AP2A1: variants seen among roughly 807,000 people sequenced by gnomAD.
AP2A1 encodes adaptor related protein complex 2 subunit alpha 1.
Under a neutral mutation model 107.3 loss-of-function variants are expected in AP2A1, and 21 were observed. The ratio of observed to expected loss-of-function variants is 0.20; its 90% CI spans 0.14 to 0.28. The LOEUF (loss-of-function observed/expected upper bound fraction) is 0.28, where lower values mean the gene tolerates loss of function less well. Among genes scored for constraint, AP2A1 ranks in the 10% least tolerant of loss-of-function variants. The pLI is 1.00. For synonymous variants in AP2A1, 602 were observed against 564.8 expected, an observed-to-expected ratio of 1.07 and a Z score of -0.93; for missense variants, 873 against 1,307.7, an observed-to-expected ratio of 0.67 and a Z score of 5.13.
chr19:49,780,165 G>A (rs2084659298), intron 1 of AP2A1, among the ~76,000 whole-genome samples: 1 of 152,238 alleles, frequency 6.6e-6, no homozygotes. Context: ...GCAGGGCACT[G>A]CTCTAGGAGC....
In AP2A1 at chr19:49,767,083, C is replaced by A. The variant is rs976140273; in HGVS notation, c.-51C>A. On this transcript the variant is annotated 5_prime_UTR_variant, in exon 1 of 23. Transcript: ENST00000354293. ...CGCCCGGTCCCCGCTTGCCAGCCCC[C>A]GCTGCTCTGTGCCCTGTCCGGCCAG... The A allele has an allele frequency of 3.1e-6, 5 of 1,594,604 alleles. No homozygotes were observed. The Admixed American group carries it at 8.5e-5, about 27-fold the overall frequency.
At chr19:49,802,211 C>T (rs1183145039) in intron 15 of AP2A1, 70 bp downstream of exon 15, 3 of 1,303,624 alleles carry the variant, frequency 2.3e-6, no homozygotes, top group Admixed American at 4.0e-5. Context: ...GCCTCTGTCC[C>T]CGTTTTCCCT....
Position 49,793,461 on chromosome 19 carries a change from T to C in AP2A1, c.705+369T>C, listed in dbSNP as rs556700136. Among the ~76,000 whole-genome samples, 326 of 152,246 alleles carry C rather than the reference T, an allele frequency of 2.1e-3. 3 individuals carry two copies. The Middle Eastern group carries it at 0.031, about 14-fold the overall frequency. On this transcript the variant is annotated intron_variant, in intron 6 of 22. Transcript: ENST00000354293. ...TCTCTGTCTCCCACTTTCCCTCTTC[T>C]GGCTTTGCCTCCCGCCTCTCTCTTT...
chr19:49,791,453 A>G lies in AP2A1; in HGVS notation c.474-482A>G, dbSNP rs577732141. Among the ~76,000 whole-genome samples, 28 of 152,054 alleles carry G rather than the reference A, an allele frequency of 1.8e-4. No homozygotes were observed. The East Asian group carries it at 5.2e-3, about 28-fold the overall frequency. ...TGTCGCCCAGGCTGGTCTTGAATTC[A>G]TGGCCTCAAGTGATCCTCCCACCTC... is the stretch of plus-strand genomic sequence containing the variant. On this transcript the variant is annotated intron_variant, in intron 4 of 22. Transcript: ENST00000354293.
chr19:49,772,437 C>T (rs910784215), intron 1 of AP2A1, among the ~76,000 whole-genome samples: 1 of 151,182 alleles, frequency 6.6e-6, no homozygotes, highest in South Asian at 2.1e-4. Context: ...CTCGGCCTCC[C>T]GAAGTGCTGG....
chr19:49,777,437 C>T (rs2084627851), intron 1 of AP2A1, among the ~76,000 whole-genome samples: 1 of 151,262 alleles, frequency 6.6e-6, no homozygotes, highest in South Asian at 2.1e-4. Context: ...AGATTGAGAC[C>T]ATCCTAGCTA....
chr19:49,790,224 C>G (rs867749422), intron 4 of AP2A1, among the ~76,000 whole-genome samples: 1 of 152,160 alleles, frequency 6.6e-6, no homozygotes, highest in South Asian at 2.1e-4. Flanking sequence ...TTCCTTGGCT[C>G]GTGGCCCCTT....
Position 49,806,968 on chromosome 19 carries a change from C to A in AP2A1, c.*210C>A, listed in dbSNP as rs1401915850. On this transcript the variant is annotated 3_prime_UTR_variant, in exon 23 of 23. Coordinates refer to ENST00000354293, the MANE Select transcript of AP2A1 (RefSeq NM_130787.3). ...GGGTTAGGGGGAGTCCCCCTCCCTC[C>A]CTTTCCCCCCCAAGCACAGAGGGGA... 2.0e-6 allele frequency: 3 copies of A among 1,532,978 alleles called. No individual in the cohort carries two copies. In the African/African-American group the frequency reaches 4.1e-5, roughly 21 times the overall value. The allele number at this position is 1,532,978 out of a possible 1,614,324, so 95.0% of individuals were successfully genotyped here. A position where few individuals can be genotyped will look rare whatever the true frequency, so the allele number is the denominator to read the frequency against.
chr19:49,803,557 G>A (rs2073320682), intron 18 of AP2A1, 181 bp downstream of exon 18: 1 of 627,560 alleles, frequency 1.6e-6, no homozygotes, highest in Non-Finnish European at 2.8e-6. Context: ...CCAGGACAGG[G>A]GATGACAGTG....
intron 4 of AP2A1, among the ~76,000 whole-genome samples, chr19:49,786,477 G>T (rs979919977): frequency 6.6e-6 from 1 of 152,222 alleles, no homozygotes; most frequent in Non-Finnish European, 1.5e-5. Flanking sequence ...ACAGCATGGG[G>T]ATTGATGGCA....
chr19:49,772,226 T>A (rs2084566427), intron 1 of AP2A1, among the ~76,000 whole-genome samples: 1 of 149,242 alleles, frequency 6.7e-6, no homozygotes, highest in South Asian at 2.1e-4. Context: ...CCCAGCAAAT[T>A]TTTTTGTATT....
At chr19:49,805,381 T>A in intron 18 of AP2A1, 72 bp from the exon 19 acceptor site, 1 of 1,452,614 alleles carries the variant, frequency 6.9e-7, no homozygotes, top group Non-Finnish European at 9.1e-7. Context: ...TGCCGGGAGC[T>A]CTGGGGTTCC....
intron 4 of AP2A1, among the ~76,000 whole-genome samples, chr19:49,789,892 C>T (rs553567852): frequency 1.6e-4 from 24 of 152,314 alleles, no homozygotes; most frequent in African/African-American, 5.8e-4. Flanking sequence ...CCCCTGGGAT[C>T]CTCTTCTAGA....
Position 49,805,896 on chromosome 19 carries a change from C to A in AP2A1, c.2610C>A (p.Ile870=), listed in dbSNP as rs2073369766. 1.2e-6 allele frequency: 2 copies of A among 1,613,754 alleles called. No individual in the cohort carries two copies. Among genetic ancestry groups the A allele is most frequent in the South Asian group, 1.1e-5 (1 of 91,090 alleles). The change falls in exon 21 of 23, where the codon ATC becomes ATA. Residue 870 remains isoleucine (I), a synonymous_variant. Transcript: ENST00000354293. ...GCCCTCAACAGGAGGCGCAGAAAAT[C>A]TTCAAAGCCAACCACCCCATGGACG... is the stretch of plus-strand genomic sequence containing the variant. ...LSLPQQEAQK[I]FKANHPMDAE...
chr19:49,801,192 A>G, intron 12 of AP2A1, 134 bp downstream of exon 12: 1 of 1,005,698 alleles, frequency 9.9e-7, no homozygotes, highest in Non-Finnish European at 1.4e-6. Flanking sequence ...TCCACCTAGC[A>G]GGGTAAGAAA....
chr19:49,770,225 G>C (rs1046499272), intron 1 of AP2A1, among the ~76,000 whole-genome samples: 10 of 152,118 alleles, frequency 6.6e-5, no homozygotes, highest in African/African-American at 2.4e-4. Flanking sequence ...TGATGATGGG[G>C]GTTGGGGAAG....
Position 49,801,754 on chromosome 19 carries a change from C to G in AP2A1, c.1818C>G (p.Pro606=), listed in dbSNP as rs769358816. Residue 606 remains proline (P), a synonymous_variant, in exon 14 of 23, where the codon CCC becomes CCG. Coordinates refer to ENST00000354293, the MANE Select transcript of AP2A1 (RefSeq NM_130787.3). ...ATVLEEMPPF[P]ERESSILAKL... The stretch of plus-strand genomic sequence containing the variant: ...TGCTGGAGGAGATGCCGCCCTTCCC[C>G]GAGCGCGAGTCGTCCATCCTGGCCA... 3 of 1,567,544 alleles carry G rather than the reference C, an allele frequency of 1.9e-6. No individual in the cohort carries two copies. The East Asian group carries it at 7.1e-5, about 37-fold the overall frequency.
rs74570581 is a variant in AP2A1, at chr19:49,780,467, G to C, written c.68-1290G>C. ...TGCGTGTTCCCGGAGCAAAATGGAG[G>C]CCAGGGGGCCTGGATGGACAGTAGG... On this transcript the variant is annotated intron_variant, in intron 1 of 22. Transcript: ENST00000354293. Among the ~76,000 whole-genome samples the C allele has an allele frequency of 6.7e-4, 102 of 152,286 alleles. No homozygotes were observed. In the East Asian group the frequency reaches 0.017, roughly 26 times the overall value.
intron 4 of AP2A1, among the ~76,000 whole-genome samples, chr19:49,791,548 G>A (rs1313487790): frequency 6.6e-6 from 1 of 152,164 alleles, no homozygotes; most frequent in Non-Finnish European, 1.5e-5. Flanking sequence ...TGATGTATGT[G>A]TTTTCGTGGT....
Sources: gnomAD v4.1 joint callset for allele counts (sites outside exome capture counted in the v4.1 genomes callset) on GRCh38, gnomAD v4.1.1 for gene constraint, MANE v1.5 for transcripts, NCBI Gene and HGNC (gene_info 2026-07-23, HGNC 2026-07-21) for gene names.